Variants in ITPR2 observed in about 807,000 individuals in gnomAD.
The protein encoded by ITPR2 is inositol 1,4,5-trisphosphate receptor type 2, also known as inositol 1,4,5-trisphosphate-gated calcium channel ITPR2.
ITPR2 carries 207 observed loss-of-function variants against 317.1 expected under a neutral mutation model. That is an observed-to-expected ratio of 0.65 (90% CI 0.58 to 0.73). The LOEUF is 0.73. ITPR2 is among the 30% of genes least tolerant of loss of function. The pLI is 0.00. For missense variants in ITPR2, 2,613 were observed against 3,284.0 expected (o/e 0.80, Z 4.99); for synonymous variants, 1,156 against 1,149.1 (o/e 1.01, Z -0.12).
At chr12:26,778,757 G>A (rs1950023946) in intron 2 of ITPR2, among the ~76,000 whole-genome samples, 1 of 152,190 alleles carries the variant, frequency 6.6e-6, no homozygotes, top group Admixed American at 6.5e-5. Flanking sequence ...AAACACACTG[G>A]ACTTATTTGT....
At chr12:26,495,786 T>C (rs2136875648) in intron 37 of ITPR2, among the ~76,000 whole-genome samples, 1 of 152,198 alleles carries the variant, frequency 6.6e-6, no homozygotes, top group East Asian at 1.9e-4. Flanking sequence ...ACCCTAAGAA[T>C]TGGAAAGCAA....
chr12:26,517,134 G>GTTCT (rs1565575320), intron 37 of ITPR2, among the ~76,000 whole-genome samples: 1 of 151,978 alleles, frequency 6.6e-6, no homozygotes, highest in East Asian at 1.9e-4. Context: ...TTTTAGAAGA[G>GTTCT]AAAAATTCTA....
chr12:26,426,707 G>A (rs879407842), intron 49 of ITPR2, among the ~76,000 whole-genome samples: 1 of 151,856 alleles, frequency 6.6e-6, no homozygotes, highest in African/African-American at 2.4e-5. Flanking sequence ...TCTAATTTTC[G>A]AAGAATTGTA....
intron 13 of ITPR2, among the ~76,000 whole-genome samples, chr12:26,667,829 C>A (rs988066824): frequency 6.6e-6 from 1 of 152,128 alleles, no homozygotes; most frequent in Non-Finnish European, 1.5e-5. Context: ...AACTACAGAT[C>A]GCTCTGTTTC....
chr12:26,592,428 A>G (rs1945731433), intron 32 of ITPR2, among the ~76,000 whole-genome samples: 1 of 152,240 alleles, frequency 6.6e-6, no homozygotes, highest in South Asian at 2.1e-4. Context: ...TTGTAACAGA[A>G]AGAAAGGATA....
chr12:26,691,563 C>T (rs1948241154), intron 10 of ITPR2, among the ~76,000 whole-genome samples: 1 of 152,080 alleles, frequency 6.6e-6, no homozygotes, highest in Non-Finnish European at 1.5e-5. Flanking sequence ...GCCACATAGC[C>T]TCTCAAGTTG....
chr12:26,670,924 C>A (rs557332754), intron 13 of ITPR2, among the ~76,000 whole-genome samples: 5 of 151,932 alleles, frequency 3.3e-5, no homozygotes, highest in African/African-American at 2.4e-5. Flanking sequence ...GGAGCCAATG[C>A]GATCAACTGG....
In ITPR2 at chr12:26,476,714, C is replaced by T. The variant is rs75496983; in HGVS notation, c.6219+198G>A. Reference sequence around the variant, plus strand: ...AAAGTGCTTAGAGTGGATAAAACTACTGAAGTCATAAGGCCCAAATCACAC... The same window carrying T: ...AAAGTGCTTAGAGTGGATAAAACTATTGAAGTCATAAGGCCCAAATCACAC... On this transcript the variant is annotated intron_variant, in intron 44 of 56. Coordinates refer to ENST00000381340, the MANE Select transcript of ITPR2 (RefSeq NM_002223.4). Among the ~76,000 whole-genome samples, 240 of 152,240 alleles carry T rather than the reference C, an allele frequency of 1.6e-3. 2 individuals are homozygous for T. Among genetic ancestry groups the T allele is most frequent in the African/African-American group, 5.6e-3 (233 of 41,532 alleles).
chr12:26,632,539 T>A (rs1447640113), intron 21 of ITPR2, among the ~76,000 whole-genome samples: 4 of 152,226 alleles, frequency 2.6e-5, no homozygotes. Context: ...TAGCTTTCCT[T>A]TCATAACACT....
intron 37 of ITPR2, among the ~76,000 whole-genome samples, chr12:26,545,168 CA>C (rs1944363684): frequency 6.6e-6 from 1 of 152,268 alleles, no homozygotes; most frequent in East Asian, 1.9e-4. Context: ...CAAAGATGCA[CA>C]TGTCCTCATG....
intron 37 of ITPR2, among the ~76,000 whole-genome samples, chr12:26,547,906 T>C (rs1010079006): frequency 2.0e-5 from 3 of 152,316 alleles, no homozygotes; most frequent in Non-Finnish European, 2.9e-5. Context: ...TACTAACCTT[T>C]CTTAATAGCA....
intron 45 of ITPR2, among the ~76,000 whole-genome samples, chr12:26,461,020 G>A (rs1424331804): frequency 6.6e-6 from 1 of 152,122 alleles, no homozygotes; most frequent in African/African-American, 2.4e-5. Flanking sequence ...TGCCTGCTCT[G>A]TCAATTGGTT....
intron 32 of ITPR2, among the ~76,000 whole-genome samples, chr12:26,589,994 T>C (rs2137098476): frequency 6.6e-6 from 1 of 151,386 alleles, no homozygotes; most frequent in Non-Finnish European, 1.5e-5. Context: ...ACACAGAAAC[T>C]AGAGGGATCT....
intron 9 of ITPR2, among the ~76,000 whole-genome samples, chr12:26,696,818 A>T (rs577763508): frequency 6.6e-6 from 1 of 152,256 alleles, no homozygotes; most frequent in South Asian, 2.1e-4. Context: ...CCGACCAAAA[A>T]CCTATAGAGA....
chr12:26,486,166 TG>T lies in ITPR2; in HGVS notation c.5748del (p.Ile1917SerfsTer6), dbSNP rs1448814087. On this transcript the variant is annotated frameshift_variant, in exon 41 of 57. Transcript: ENST00000381340. LOFTEE classifies it high-confidence loss of function. ...AGAAATCTCAGTATTGGCTGCATGA[TG>T]GCAATTGCGGGACTCATTGTTACTT... Reference protein sequence around the residue: ...AEEVTMSPAIAIMQPILRFLQ... With the variant: ...AEEVTMSPAIXIMQPILRFLQ... 1 of 1,614,044 alleles carries T rather than the reference TG, an allele frequency of 6.2e-7. No individual in the cohort carries two copies. Among genetic ancestry groups the T allele is most frequent in the Non-Finnish European group, 8.5e-7 (1 of 1,179,992 alleles).
intron 37 of ITPR2, among the ~76,000 whole-genome samples, chr12:26,524,576 C>A (rs1475969173): frequency 6.6e-6 from 1 of 152,046 alleles, no homozygotes; most frequent in Non-Finnish European, 1.5e-5. Flanking sequence ...AAACAAATTC[C>A]TACACATATT....
At chr12:26,602,088 C>T (rs1373413718) in intron 28 of ITPR2, among the ~76,000 whole-genome samples, 1 of 151,550 alleles carries the variant, frequency 6.6e-6, no homozygotes, top group Non-Finnish European at 1.5e-5. Flanking sequence ...TTTTTCAAGT[C>T]GAAAACAATT....
chr12:26,377,906 CCTT>C (rs1191547993), intron 55 of ITPR2, among the ~76,000 whole-genome samples: 1 of 152,100 alleles, frequency 6.6e-6, no homozygotes, highest in Non-Finnish European at 1.5e-5. Flanking sequence ...TCCCCTCCAT[CCTT>C]CTATCAAAAT....
At chr12:26,816,496 A>G (rs949493327) in intron 1 of ITPR2, among the ~76,000 whole-genome samples, 7 of 152,234 alleles carry the variant, frequency 4.6e-5, no homozygotes, top group Non-Finnish European at 1.0e-4. Flanking sequence ...CTATATGCTA[A>G]AGCATTTTTC....
Sources: gnomAD v4.1 joint callset for allele counts (sites outside exome capture counted in the v4.1 genomes callset) on GRCh38, gnomAD v4.1.1 for gene constraint, MANE v1.5 for transcripts, NCBI Gene and HGNC (gene_info 2026-07-23, HGNC 2026-07-21) for gene names.